ZNF737: variants seen among roughly 807,000 people sequenced by gnomAD.
The protein encoded by ZNF737 is zinc finger protein 102 (Y3).
ZNF737 carries 13 observed loss-of-function variants against 11.7 expected under a neutral mutation model. The ratio of observed to expected loss-of-function variants is 1.11; its 90% CI spans 0.73 to 1.77. The LOEUF is 1.77. ZNF737 is among the 40% of genes most tolerant of loss of function. ZNF737 has a pLI of 0.00. For synonymous variants in ZNF737, 217 were observed against 216.2 expected, an observed-to-expected ratio of 1.00 and a Z score of -0.03; for missense variants, 636 against 638.0, an observed-to-expected ratio of 1.00 and a Z score of 0.03.
rs1387003861 is a variant in ZNF737 at position 20,545,788 on chromosome 19, T to C, written c.415A>G (p.Thr139Ala). 3 of 1,613,044 alleles carry C rather than the reference T, an allele frequency of 1.9e-6. No individual in the cohort carries two copies. The highest frequency in any genetic ancestry group is 8.5e-7 in the Non-Finnish European group (1 of 1,179,626). ...CACTGAAATATTTTGCTTTGAGTAGTTGTCAAATATTGGTTAAGTCCATTA... is the reference window on the plus strand; with the variant it reads ...CACTGAAATATTTTGCTTTGAGTAGCTGTCAAATATTGGTTAAGTCCATTA... ...GYNGLNQYLT[T>A]TQSKIFQCDK... The change falls in exon 4 of 4, where the codon ACT becomes GCT. Residue 139 changes from threonine (T) to alanine (A), a missense_variant. Coordinates refer to ENST00000427401, the MANE Select transcript of ZNF737 (RefSeq NM_001159293.2).
rs1969277128 is a variant in ZNF737 at position 20,565,768 on chromosome 19, C to G, written c.-128G>C. On this transcript the variant is annotated 5_prime_UTR_variant, in exon 1 of 4. Transcript: ENST00000427401. ...AGCAGTGAAGACAAGACCTGGAGCTCCGGCTGCAGAGACAAAGGCCCCGCA... is the reference window on the plus strand; with the variant it reads ...AGCAGTGAAGACAAGACCTGGAGCTGCGGCTGCAGAGACAAAGGCCCCGCA... 1.1e-5 allele frequency: 17 copies of G among 1,488,498 alleles called. No homozygotes were observed. Among genetic ancestry groups the G allele is most frequent in the Non-Finnish European group, 2.8e-6 (3 of 1,066,622 alleles). 92.2% of individuals were successfully genotyped at this position (1,488,498 alleles called of 1,614,324 possible).
At position 20,539,663 on chromosome 19, in the gene ZNF737, A is replaced by C. The variant is rs1968120262; in HGVS notation, c.*4929T>G. 2.1e-6 allele frequency: 2 copies of C among 934,856 alleles called. No homozygotes were observed. Among genetic ancestry groups the C allele is most frequent in the Admixed American group, 1.2e-4 (2 of 16,206 alleles). 57.9% of individuals were successfully genotyped at this position (934,856 alleles called of 1,614,324 possible). A position where few individuals can be genotyped will look rare whatever the true frequency, so the allele number is the denominator to read the frequency against. Reference sequence around the variant, plus strand: ...ATTACAGTATAGTAGAATCCTCTATAATTAGAAGTTAATTATTTATAAATT... The same window carrying C: ...ATTACAGTATAGTAGAATCCTCTATCATTAGAAGTTAATTATTTATAAATT... On this transcript the variant is annotated 3_prime_UTR_variant, in exon 4 of 4. Transcript: ENST00000427401.
chr19:20,545,519 C>G lies in ZNF737; in HGVS notation c.684G>C (p.Arg228=), dbSNP rs782528277. 8.7e-6 allele frequency: 14 copies of G among 1,610,658 alleles called. No individual in the cohort carries two copies. Among genetic ancestry groups the G allele is most frequent in the East Asian group, 2.2e-5 (1 of 44,582 alleles). The change falls in exon 4 of 4, where the codon CGG becomes CGC. Residue 228 remains arginine, a synonymous_variant. Transcript: ENST00000427401. ...CTTTGCCACAGTCTTCACATTTGTA[C>G]CGTTTCTCTCCAGTATGAATTCTCT... ...THKRIHTGEK[R]YKCEDCGKAF...
Position 20,540,741 on chromosome 19 carries a change from A to G in ZNF737, c.*3851T>C. 1 of 842,674 alleles carries G rather than the reference A, an allele frequency of 1.2e-6. No individual in the cohort carries two copies. Among genetic ancestry groups the G allele is most frequent in the Non-Finnish European group, 1.4e-6 (1 of 700,332 alleles). 52.2% of individuals were successfully genotyped at this position (842,674 alleles called of 1,614,324 possible). ...GCCACTGCTCTCCAGCCTGGAAGAC[A>G]GAGCAACACTCCATCATGGAAAAAA... On this transcript the variant is annotated 3_prime_UTR_variant, in exon 4 of 4. Coordinates refer to ENST00000427401, the MANE Select transcript of ZNF737 (RefSeq NM_001159293.2).
chr19:20,531,214 C>T (rs1238347076), downstream of ZNF737, among the ~76,000 whole-genome samples: 6 of 94,244 alleles, frequency 6.4e-5, no homozygotes, highest in South Asian at 4.2e-4. Flanking sequence ...AGAGGGAGAC[C>T]GTGGAAAGGG....
intron 3 of ZNF737, 110 bp downstream of exon 3, chr19:20,552,365 T>C (rs1410962365): frequency 2.8e-5 from 20 of 705,224 alleles, no homozygotes; most frequent in Admixed American, 2.7e-4. Flanking sequence ...CCAGGAACTA[T>C]TTTCTTTGGA....
chr19:20,555,759 G>A (rs1324425409), intron 1 of ZNF737, among the ~76,000 whole-genome samples: 3 of 152,088 alleles, frequency 2.0e-5, no homozygotes, highest in Non-Finnish European at 4.4e-5. Flanking sequence ...AGTACTAAAC[G>A]CATGGCAGTC....
rs782686566 is a variant in ZNF737 at position 20,545,023 on chromosome 19, C to A, written c.1180G>T (p.Glu394Ter). 5 of 1,613,786 alleles carry A rather than the reference C, an allele frequency of 3.1e-6. No individual in the cohort carries two copies. In the South Asian group the frequency reaches 4.4e-5, roughly 14 times the overall value. Residue 394 changes from glutamate to a stop codon, truncating the protein, a stop_gained, in exon 4 of 4, where the codon GAG (glutamate) becomes TAG (stop). Coordinates refer to ENST00000427401, the MANE Select transcript of ZNF737 (RefSeq NM_001159293.2). LOFTEE classifies it low-confidence loss of function (END_TRUNC). ...CATTCTTCACATTTGTAGGGTTTCT[C>A]TCCAGTATGAATTCTCTTATGTGTA... ...LTTHKRIHTG[E>*]KPYKCEECGE...
chr19:20,530,963 C>T (rs185101353), downstream of ZNF737, among the ~76,000 whole-genome samples: 7 of 149,414 alleles, frequency 4.7e-5, no homozygotes, highest in East Asian at 4.1e-4. Flanking sequence ...AACGAGACTC[C>T]GTCTGCAATC....
chr19:20,534,509 CTT>C (rs1967911965), downstream of ZNF737, among the ~76,000 whole-genome samples: 1 of 149,144 alleles, frequency 6.7e-6, no homozygotes, highest in Non-Finnish European at 1.5e-5. Context: ...AGGATGATAA[CTT>C]GAAGTATTTT....
In ZNF737 at chr19:20,542,933, C is replaced by T. The variant is rs1968276869; in HGVS notation, c.*1659G>A. 1 of 984,946 alleles carries T rather than the reference C, an allele frequency of 1.0e-6. No individual in the cohort carries two copies. The highest frequency in any genetic ancestry group is 1.7e-5 in the African/African-American group (1 of 57,192). The allele number at this position is 984,946 out of a possible 1,614,324, so 61.0% of individuals were successfully genotyped here. The stretch of plus-strand genomic sequence containing the variant: ...TTATTCAAGGAAACAAGTATACTTT[C>T]AACGTAATTACAATGCTTCCAAAAA... On this transcript the variant is annotated 3_prime_UTR_variant, in exon 4 of 4. Coordinates refer to ENST00000427401, the MANE Select transcript of ZNF737 (RefSeq NM_001159293.2).
Position 20,545,761 on chromosome 19 carries a change from C to T in ZNF737, c.442G>A (p.Asp148Asn). The change falls in exon 4 of 4, where the codon GAT (aspartate) becomes AAT (asparagine). Residue 148 changes from aspartate to asparagine, a missense_variant. Coordinates refer to ENST00000427401, the MANE Select transcript of ZNF737 (RefSeq NM_001159293.2). ...TTATGAATGACTTTCACATATTTAT[C>T]ACACTGAAATATTTTGCTTTGAGTA... ...TTTQSKIFQCDKYVKVIHKFS... is the reference protein window; with the variant it reads ...TTTQSKIFQCNKYVKVIHKFS... The T allele has an allele frequency of 6.2e-7, 1 of 1,613,098 alleles. No individual in the cohort carries two copies. The highest frequency in any genetic ancestry group is 8.5e-7 in the Non-Finnish European group (1 of 1,179,650).
At chr19:20,553,945 C>T in intron 1 of ZNF737, 110 bp from the exon 2 acceptor site, 1 of 1,302,418 alleles carries the variant, frequency 7.7e-7, no homozygotes, top group South Asian at 1.5e-5. Flanking sequence ...ACTTATAGGA[C>T]TGACTAAAAT....
downstream of ZNF737, among the ~76,000 whole-genome samples, chr19:20,536,535 G>C (rs551047839): frequency 6.6e-6 from 1 of 152,288 alleles, no homozygotes; most frequent in South Asian, 2.1e-4. Context: ...AACAGGTCAA[G>C]CATGGTGGCT....
Position 20,540,866 on chromosome 19 carries a change from A to AT in ZNF737, c.*3725dup, listed in dbSNP as rs1555754960. 2.1e-6 allele frequency: 2 copies of AT among 946,810 alleles called. No homozygotes were observed. The highest frequency in any genetic ancestry group is 2.5e-6 in the Non-Finnish European group (2 of 797,696). 58.7% of individuals were successfully genotyped at this position (946,810 alleles called of 1,614,324 possible). On this transcript the variant is annotated 3_prime_UTR_variant, in exon 4 of 4. Transcript: ENST00000427401. ...TTAGTTTTATTCATTACAAATAACT[A>AT]TTTTTCTGGCTTAAATTATTTTTTA... is the stretch of plus-strand genomic sequence containing the variant.
At chr19:20,536,016 T>C (rs1040225318), downstream of ZNF737, 3 of 909,890 alleles carry the variant, frequency 3.3e-6, no homozygotes, top group South Asian at 5.1e-5. Context: ...CTTCAGCCAA[T>C]GGATGAAAAA....
chr19:20,544,698 A>T lies in ZNF737; in HGVS notation c.1505T>A (p.Ile502Asn). The T allele has an allele frequency of 6.2e-7, 1 of 1,607,156 alleles. No homozygotes were observed. Among genetic ancestry groups the T allele is most frequent in the South Asian group, 1.1e-5 (1 of 90,298 alleles). The change falls in exon 4 of 4, where the codon ATT becomes AAT. Residue 502 changes from isoleucine (I) to asparagine (N), a missense_variant. By Grantham distance (149) the Ile-to-Asn change is moderately radical (BLOSUM62 -3). Coordinates refer to ENST00000427401, the MANE Select transcript of ZNF737 (RefSeq NM_001159293.2). ...TTTGTAGGGTTTCTCTCCAGTATGAATTCTCTTATGTCTAGTAAGGATAAA... is the reference window on the plus strand; with the variant it reads ...TTTGTAGGGTTTCTCTCCAGTATGATTTCTCTTATGTCTAGTAAGGATAAA... ...RSFILTRHKR[I>N]HTGEKPYKCE...
At chr19:20,547,163 C>A (rs1320522034) in intron 3 of ZNF737, among the ~76,000 whole-genome samples, 7 of 151,830 alleles carry the variant, frequency 4.6e-5, no homozygotes, top group African/African-American at 1.7e-4. Flanking sequence ...AGGTGGATCA[C>A]GAGGTCAGGA....
rs559740628 is a variant in ZNF737 at position 20,547,164 on chromosome 19, G to T, written c.227-1188C>A. ...TTGGAGGCCGAGGCAGGTGGATCAC[G>T]AGGTCAGGAGATTGAGACCATCCTG... is the stretch of plus-strand genomic sequence containing the variant. On this transcript the variant is annotated intron_variant, in intron 3 of 3. Coordinates refer to ENST00000427401, the MANE Select transcript of ZNF737 (RefSeq NM_001159293.2). 2.7e-3 allele frequency among the ~76,000 whole-genome samples: 403 copies of T among 152,020 alleles called. 1 individual carries two copies. Among genetic ancestry groups the T allele is most frequent in the African/African-American group, 9.3e-3 (387 of 41,506 alleles).
Sources: gnomAD v4.1 joint callset for allele counts (sites outside exome capture counted in the v4.1 genomes callset) on GRCh38, gnomAD v4.1.1 for gene constraint, MANE v1.5 for transcripts, NCBI Gene and HGNC (gene_info 2026-07-23, HGNC 2026-07-21) for gene names.